CCNT2: variants seen among roughly 807,000 people sequenced by gnomAD.
The protein encoded by CCNT2 is cyclin T2, also known as cyclin-T2.
A neutral mutation model predicts 70.0 loss-of-function variants in CCNT2; 18 were observed. That is an observed-to-expected ratio of 0.26 (90% CI 0.18 to 0.38). The LOEUF is 0.38. Among genes scored for constraint, CCNT2 ranks in the 10% least tolerant of loss-of-function variants. CCNT2 has a pLI of 1.00. For synonymous variants in CCNT2, 334 were observed against 313.3 expected, an observed-to-expected ratio of 1.07 and a Z score of -0.70; for missense variants, 734 against 890.2, an observed-to-expected ratio of 0.82 and a Z score of 2.23.
chr2:134,932,570 T>C (rs1416376463), intron 2 of CCNT2, among the ~76,000 whole-genome samples: 3 of 152,222 alleles, frequency 2.0e-5, no homozygotes, highest in South Asian at 2.1e-4. Context: ...TTTTTTAATA[T>C]AAATTTGCTT....
At chr2:134,931,289 G>GTTTTTTTTTTTTTTTTTTTTTTTTTTT (rs1449427550) in intron 2 of CCNT2, among the ~76,000 whole-genome samples, 4 of 52,862 alleles carry the variant, frequency 7.6e-5, no homozygotes, top group East Asian at 1.1e-3. Context: ...TTTTTTTTTG[G>GTTTTTTTTTTTTTTTTTTTTTTTTTTT]TATTTGAATA....
intron 7 of CCNT2, among the ~76,000 whole-genome samples, chr2:134,951,690 A>AAAAG (rs780299455): frequency 7.2e-5 from 11 of 152,210 alleles, no homozygotes; most frequent in Non-Finnish European, 1.3e-4. Context: ...TTTAACAAAA[A>AAAAG]AAAGAAAGAA....
intron 2 of CCNT2, among the ~76,000 whole-genome samples, chr2:134,933,133 A>G (rs1236428050): frequency 6.6e-6 from 1 of 152,218 alleles, no homozygotes; most frequent in Non-Finnish European, 1.5e-5. Context: ...CCTGTTGGTA[A>G]TAGTAAGTGA....
chr2:134,959,073 TTATTAAG>T lies in CCNT2; in HGVS notation c.*4427_*4433del, dbSNP rs1683073124. 1 of 152,228 alleles carries T rather than the reference TTATTAAG, an allele frequency of 6.6e-6. No individual in the cohort carries two copies. Among genetic ancestry groups the T allele is most frequent in the African/African-American group, 2.4e-5 (1 of 41,468 alleles). 9.4% of individuals were successfully genotyped at this position (152,228 alleles called of 1,614,324 possible). ...CTATTGTTTAATAATGAGTACATTC[TTATTAAG>T]TGATGAGTACATTCTTAATTTTAAG... On this transcript the variant is annotated 3_prime_UTR_variant, in exon 9 of 9. Transcript: ENST00000264157.
At chr2:134,939,541 C>CT (rs1681413590) in intron 4 of CCNT2, among the ~76,000 whole-genome samples, 2 of 152,150 alleles carry the variant, frequency 1.3e-5, no homozygotes, top group South Asian at 4.1e-4. Context: ...TCTCGGCTCA[C>CT]TGCAACCTCT....
In CCNT2 at chr2:134,954,575, G is replaced by T. The variant is rs759833063; in HGVS notation, c.2120G>T (p.Ser707Ile). 1.2e-4 allele frequency: 200 copies of T among 1,614,074 alleles called. No individual in the cohort carries two copies. Among genetic ancestry groups the T allele is most frequent in the South Asian group, 7.8e-4 (71 of 91,080 alleles). The change falls in exon 9 of 9, where the codon AGC (serine) becomes ATC (isoleucine). Residue 707 changes from serine to isoleucine, a missense_variant. Physicochemically the swap from Ser to Ile is moderately radical, Grantham distance 142. This residue lies in a region of CCNT2 where 532 missense variants were observed against 556.9 expected (regional missense o/e 0.96). Transcript: ENST00000264157. ...PDANHEYSTSSQHMDYKDTFD... is the reference protein window; with the variant it reads ...PDANHEYSTSIQHMDYKDTFD... ...GCCAATCACGAGTACAGTACAAGCA[G>T]CCAGCATATGGACTACAAAGACACA...
intron 2 of CCNT2, among the ~76,000 whole-genome samples, chr2:134,929,628 A>AGAGAGAGAGAGAGAGAGAGAGAGAGG: frequency 7.3e-6 from 1 of 136,606 alleles, no homozygotes; most frequent in African/African-American, 2.9e-5. Flanking sequence ...AGAGAGAGAG[A>AGAGAGAGAGAGAGAGAGAGAGAGAGG]GAGAGAGAAC....
chr2:134,949,806 G>GT (rs1279903499), intron 7 of CCNT2, among the ~76,000 whole-genome samples: 1 of 138,532 alleles, frequency 7.2e-6, no homozygotes, highest in African/African-American at 2.7e-5. Context: ...TTTTTTCGGG[G>GT]GGGGGGTGGG....
At position 134,954,679 on chromosome 2, in the gene CCNT2, T is replaced by C. The variant is rs1022852244; in HGVS notation, c.*31T>C. The C allele has an allele frequency of 6.9e-7, 1 of 1,453,796 alleles. No homozygotes were observed. Among genetic ancestry groups the C allele is most frequent in the African/African-American group, 1.4e-5 (1 of 71,062 alleles). 90.1% of individuals were successfully genotyped at this position (1,453,796 alleles called of 1,614,324 possible). On this transcript the variant is annotated 3_prime_UTR_variant, in exon 9 of 9. Transcript: ENST00000264157. Reference sequence around the variant, plus strand: ...TGTTTAGGTCAATTTTTCCTTTACTTTTTTAATTTAAAAATTGTTAGAATG... The same window carrying C: ...TGTTTAGGTCAATTTTTCCTTTACTCTTTTAATTTAAAAATTGTTAGAATG...
At chr2:134,923,633 T>A (rs1005482947) in intron 2 of CCNT2, among the ~76,000 whole-genome samples, 2 of 152,240 alleles carry the variant, frequency 1.3e-5, no homozygotes, top group African/African-American at 2.4e-5. Flanking sequence ...ATTTTTAAAT[T>A]CCTTTTAAAC....
At chr2:134,947,418 CTA>C (rs1682065671) in intron 6 of CCNT2, among the ~76,000 whole-genome samples, 1 of 152,032 alleles carries the variant, frequency 6.6e-6, no homozygotes, top group Non-Finnish European at 1.5e-5. Context: ...ACAGTGTTAT[CTA>C]TATAGTGATT....
In CCNT2 at chr2:134,931,262, C is replaced by CTTTTTTTTTTTTTTTTTTTTTTTTTTT. The variant is rs112471982; in HGVS notation, c.241-5554_241-5553insTTTTTTTTTTTTTTTTTTTTTTTTTTT. ...CAGGCATAAGCCACCATGCCCGGAT[C>CTTTTTTTTTTTTTTTTTTTTTTTTTTT]TTTTTTTTTTTTTTTTTTTTTTTTT... On this transcript the variant is annotated intron_variant, in intron 2 of 8. Coordinates refer to ENST00000264157, the MANE Select transcript of CCNT2 (RefSeq NM_058241.3). Among the ~76,000 whole-genome samples, 32 of 42,422 alleles carry CTTTTTTTTTTTTTTTTTTTTTTTTTTT rather than the reference C, an allele frequency of 7.5e-4. 2 individuals carry two copies. Among genetic ancestry groups the CTTTTTTTTTTTTTTTTTTTTTTTTTTT allele is most frequent in the Non-Finnish European group, 8.8e-4 (21 of 23,742 alleles). 27.8% of individuals were successfully genotyped at this position (42,422 alleles called of 152,430 possible).
intron 4 of CCNT2, among the ~76,000 whole-genome samples, chr2:134,942,007 A>G (rs927537744): frequency 2.6e-5 from 4 of 152,042 alleles, no homozygotes; most frequent in African/African-American, 9.7e-5. Context: ...ACCCTGCCAC[A>G]CCTAAGGGTT....
intron 5 of CCNT2, chr2:134,943,638 G>A: frequency 1.0e-6 from 1 of 983,100 alleles, no homozygotes. Flanking sequence ...TAAAGTATCT[G>A]GTAGTATCTG....
chr2:134,932,323 C>G (rs1286075100), intron 2 of CCNT2, among the ~76,000 whole-genome samples: 3 of 152,110 alleles, frequency 2.0e-5, no homozygotes, highest in Non-Finnish European at 4.4e-5. Context: ...TTTTTAGAAA[C>G]ATTCATAATG....
intron 2 of CCNT2, among the ~76,000 whole-genome samples, chr2:134,927,723 A>C (rs920464256): frequency 6.6e-6 from 1 of 152,204 alleles, no homozygotes; most frequent in Non-Finnish European, 1.5e-5. Flanking sequence ...TGAAAATCCA[A>C]TTAGATAACT....
intron 2 of CCNT2, among the ~76,000 whole-genome samples, chr2:134,921,522 T>C (rs949138579): frequency 5.3e-5 from 8 of 151,968 alleles, no homozygotes; most frequent in Non-Finnish European, 8.8e-5. Flanking sequence ...CCCGGCTAAT[T>C]TTTGTATTTT....
rs371710293 is a variant in CCNT2, at chr2:134,954,582, T to C, written c.2127T>C (p.His709=). The C allele has an allele frequency of 5.0e-6, 8 of 1,614,016 alleles. No individual in the cohort carries two copies. Among genetic ancestry groups the C allele is most frequent in the Middle Eastern group, 1.6e-4 (1 of 6,084 alleles). ...ACGAGTACAGTACAAGCAGCCAGCATATGGACTACAAAGACACATTCGACA... is the reference window on the plus strand; with the variant it reads ...ACGAGTACAGTACAAGCAGCCAGCACATGGACTACAAAGACACATTCGACA... ...ANHEYSTSSQ[H]MDYKDTFDML... is the part of the protein sequence containing the mutation. Residue 709 remains histidine, a synonymous_variant, in exon 9 of 9, where the codon CAT becomes CAC. Coordinates refer to ENST00000264157, the MANE Select transcript of CCNT2 (RefSeq NM_058241.3).
chr2:134,938,768 A>G (rs41460450), intron 3 of CCNT2, among the ~76,000 whole-genome samples: 6,475 of 152,148 alleles, frequency 0.043, 449 homozygotes, highest in African/African-American at 0.14. Flanking sequence ...ACCCTCTTTC[A>G]TATTGGTTAG....
Sources: allele counts gnomAD v4.1 joint callset (sites outside exome capture counted in the v4.1 genomes callset), GRCh38; gene constraint gnomAD v4.1.1; regional missense constraint gnomAD v4.1.1; transcripts MANE v1.5; gene names NCBI Gene and HGNC (gene_info 2026-07-23, HGNC 2026-07-21).